ANK2: variants seen among roughly 807,000 people sequenced by gnomAD.
ANK2 encodes the protein ankyrin 2.
ANK2 carries 83 observed loss-of-function variants against 360.5 expected under a neutral mutation model. The ratio of observed to expected loss-of-function variants is 0.23; its 90% CI spans 0.19 to 0.28. The LOEUF (loss-of-function observed/expected upper bound fraction) is 0.28. Among genes scored for constraint, ANK2 ranks in the 10% least tolerant of loss-of-function variants. ANK2 has a pLI of 1.00. For missense variants in ANK2, 4,201 were observed against 4,795.7 expected (o/e 0.88, Z 3.66); for synonymous variants, 1,740 against 1,759.5 (o/e 0.99, Z 0.28).
At chr4:113,092,709 A>G (rs2089052758) in intron 1 of ANK2, among the ~76,000 whole-genome samples, 1 of 152,206 alleles carries the variant, frequency 6.6e-6, no homozygotes, top group Non-Finnish European at 1.5e-5. Context: ...TATTAATAAT[A>G]CCTACCTCCT....
chr4:112,968,585 G>C (rs1474561292), intron 2 of ANK2, among the ~76,000 whole-genome samples: 1 of 150,890 alleles, frequency 6.6e-6, no homozygotes, highest in Non-Finnish European at 1.5e-5. Context: ...ATTGCTTTTT[G>C]TTTTTTTTTC....
chr4:113,216,190 A>G (rs1210572615), intron 4 of ANK2, among the ~76,000 whole-genome samples: 1 of 152,204 alleles, frequency 6.6e-6, no homozygotes, highest in Non-Finnish European at 1.5e-5. Context: ...AAATGACTAA[A>G]ACAGTATAAA....
intron 2 of ANK2, among the ~76,000 whole-genome samples, chr4:112,999,372 G>A (rs1264845774): frequency 2.0e-5 from 3 of 152,066 alleles, no homozygotes; most frequent in East Asian, 3.9e-4. Flanking sequence ...GACAAGCCCA[G>A]CATGAGCTCT....
the ANK2 span, chr4:112,797,902 G>A: frequency 6.5e-6 from 1 of 154,420 alleles, no homozygotes. Flanking sequence ...CAGAATGAAA[G>A]TATGTTTCAG....
chr4:112,953,793 G>A lies in ANK2; in HGVS notation c.21+49279G>A, dbSNP rs114283492. Among the ~76,000 whole-genome samples, 120 of 152,226 alleles carry A rather than the reference G, an allele frequency of 7.9e-4. 1 individual carries two copies. The highest frequency in any genetic ancestry group is 2.7e-3 in the African/African-American group (113 of 41,546). ...CGAGGATTATTACCAGGTGCTTGGT[G>A]GTTTAATAAGCATCTCATATATGGT... On this transcript the variant is annotated intron_variant, in intron 2 of 30. Coordinates refer to the ANK2 transcript ENST00000503271.
intron 26 of ANK2, among the ~76,000 whole-genome samples, chr4:113,328,204 T>C (rs1368843524): frequency 6.6e-6 from 1 of 152,118 alleles, no homozygotes; most frequent in Non-Finnish European, 1.5e-5. Flanking sequence ...ATTATAATAA[T>C]TCCTTACTAG....
At chr4:112,861,442 G>C (rs2067988741) in intron 1 of ANK2, among the ~76,000 whole-genome samples, 1 of 152,172 alleles carries the variant, frequency 6.6e-6, no homozygotes, top group Non-Finnish European at 1.5e-5. Context: ...TGATCTACTA[G>C]AAGTTTGTCC....
At chr4:112,962,724 C>A (rs1295444153) in intron 2 of ANK2, among the ~76,000 whole-genome samples, 1 of 152,080 alleles carries the variant, frequency 6.6e-6, no homozygotes, top group Non-Finnish European at 1.5e-5. Context: ...TACCACCAAG[C>A]CTAATAAGTC....
intron 2 of ANK2, among the ~76,000 whole-genome samples, chr4:113,177,807 C>T (rs2098273165): frequency 6.6e-6 from 1 of 152,166 alleles, no homozygotes; most frequent in African/African-American, 2.4e-5. Context: ...TTAGAGCCCA[C>T]AGGTTCAAAT....
rs757625960 is a variant in ANK2 at position 112,986,085 on chromosome 4, T to TAA, written c.21+81572_21+81573dup. 3.9e-4 allele frequency among the ~76,000 whole-genome samples: 36 copies of TAA among 92,706 alleles called. No individual in the cohort carries two copies. The East Asian group carries it at 0.016, about 42-fold the overall frequency. The allele number at this position is 92,706 out of a possible 152,430, so 60.8% of individuals were successfully genotyped here. Reference sequence around the variant, plus strand: ...AAATTATGATCCATATATATATATATAATCCAATATATAGTATGTCTGGTT... The same window carrying TAA: ...AAATTATGATCCATATATATATATATAAAATCCAATATATAGTATGTCTGGTT... On this transcript the variant is annotated intron_variant, in intron 2 of 30. Coordinates refer to the ANK2 transcript ENST00000503271.
intron 1 of ANK2, among the ~76,000 whole-genome samples, chr4:113,126,505 G>A (rs896306990): frequency 6.6e-6 from 1 of 152,174 alleles, no homozygotes; most frequent in Non-Finnish European, 1.5e-5. Flanking sequence ...CCTGGAAACA[G>A]TAACTTCTTT....
chr4:113,046,260 C>T (rs1579925070), upstream of ANK2, among the ~76,000 whole-genome samples: 1 of 152,088 alleles, frequency 6.6e-6, no homozygotes, highest in Admixed American at 6.5e-5. Flanking sequence ...CTGGGATTTT[C>T]ATTTTATACA....
intron 1 of ANK2, among the ~76,000 whole-genome samples, chr4:112,831,870 A>G (rs188816351): frequency 1.3e-5 from 2 of 151,992 alleles, no homozygotes; most frequent in Non-Finnish European, 2.9e-5. Context: ...GAACTGTAAC[A>G]CTCATTGTGA....
the ANK2 span, among the ~76,000 whole-genome samples, chr4:112,807,824 T>C: frequency 6.6e-6 from 1 of 152,224 alleles, no homozygotes; most frequent in Non-Finnish European, 1.5e-5. Context: ...CCTTTGCTCT[T>C]TGTCAGACTG....
At chr4:113,104,428 G>T (rs1223235220) in intron 1 of ANK2, among the ~76,000 whole-genome samples, 2 of 152,080 alleles carry the variant, frequency 1.3e-5, no homozygotes, top group African/African-American at 4.8e-5. Context: ...GTATAATTTG[G>T]GAGGGCTGGG....
chr4:113,127,889 G>T (rs1476643595), intron 1 of ANK2, among the ~76,000 whole-genome samples: 1 of 151,970 alleles, frequency 6.6e-6, no homozygotes, highest in Non-Finnish European at 1.5e-5. Flanking sequence ...GCAGCAGGGA[G>T]GAAAACAGGA....
At chr4:113,137,170 T>G (rs2154382204) in intron 1 of ANK2, among the ~76,000 whole-genome samples, 1 of 152,332 alleles carries the variant, frequency 6.6e-6, no homozygotes, top group East Asian at 1.9e-4. Context: ...TATAGGGAGT[T>G]CCTTGAATAG....
In ANK2 at chr4:112,910,228, C is replaced by T. The variant is rs146844117; in HGVS notation, c.21+5714C>T. 6.4e-4 allele frequency among the ~76,000 whole-genome samples: 97 copies of T among 152,260 alleles called. 1 individual carries two copies. Among genetic ancestry groups the T allele is most frequent in the Admixed American group, 2.5e-3 (38 of 15,308 alleles). On this transcript the variant is annotated intron_variant, in intron 2 of 30. Transcript: ENST00000503271. The stretch of plus-strand genomic sequence containing the variant: ...TGCCCTCCTCAGCGTGAATCTGGCC[C>T]GCTTCATTTTGCTTTCCTCAGCTGG...
chr4:113,293,676 A>G (rs1409162899), intron 22 of ANK2, 138 bp downstream of exon 22: 10 of 827,758 alleles, frequency 1.2e-5, no homozygotes, highest in South Asian at 5.8e-5. Flanking sequence ...ATTGTAGCAC[A>G]TACATAGGCG....
Sources: allele counts gnomAD v4.1 joint callset (sites outside exome capture counted in the v4.1 genomes callset), GRCh38; gene constraint gnomAD v4.1.1; transcripts MANE v1.5; gene names NCBI Gene and HGNC (gene_info 2026-07-23, HGNC 2026-07-21).